DLGAP2: variants seen among roughly 807,000 people sequenced by gnomAD.
DLGAP2 encodes disks large-associated protein 2.
DLGAP2 carries 26 observed loss-of-function variants against 100.3 expected under a neutral mutation model. The observed-to-expected ratio is 0.26, with a 90% CI of 0.19 to 0.36. The LOEUF is 0.36. DLGAP2 is among the 10% of genes least tolerant of loss of function. DLGAP2 has a pLI of 1.00. For synonymous variants in DLGAP2, 886 were observed against 630.1 expected, an observed-to-expected ratio of 1.41 and a Z score of -6.08; for missense variants, 1,858 against 1,453.2, an observed-to-expected ratio of 1.28 and a Z score of -4.53.
At chr8:1,183,819 C>G (rs929880569) in intron 2 of DLGAP2, among the ~76,000 whole-genome samples, 1 of 152,206 alleles carries the variant, frequency 6.6e-6, no homozygotes, top group African/African-American at 2.4e-5. Context: ...CTTTGCAAGC[C>G]TTCAGGCAGA....
At chr8:1,284,890 T>G (rs1247246952) in intron 3 of DLGAP2, among the ~76,000 whole-genome samples, 2 of 152,182 alleles carry the variant, frequency 1.3e-5, no homozygotes, top group Non-Finnish European at 2.9e-5. Flanking sequence ...GAGCTTCTTT[T>G]CTCCTCATTC....
chr8:1,051,048 C>T (rs1802669586), intron 2 of DLGAP2, among the ~76,000 whole-genome samples: 1 of 115,386 alleles, frequency 8.7e-6, no homozygotes, highest in Non-Finnish European at 1.7e-5. Flanking sequence ...TGTGGTGGGT[C>T]ATTTCGTGGG....
chr8:1,094,859 T>C (rs964887928), intron 2 of DLGAP2, among the ~76,000 whole-genome samples: 1 of 152,260 alleles, frequency 6.6e-6, no homozygotes, highest in African/African-American at 2.4e-5. Flanking sequence ...GCAAACGTCC[T>C]GACCCCTTGG....
At chr8:832,337 A>G (rs895076212) in intron 1 of DLGAP2, among the ~76,000 whole-genome samples, 16 of 152,154 alleles carry the variant, frequency 1.1e-4, no homozygotes, top group Non-Finnish European at 2.2e-4. Context: ...TAGGGTTTTT[A>G]TGGTTTTAGG....
chr8:1,181,810 A>T (rs1797394648), intron 2 of DLGAP2, among the ~76,000 whole-genome samples: 1 of 152,144 alleles, frequency 6.6e-6, no homozygotes, highest in African/African-American at 2.4e-5. Context: ...GGAGGCACCC[A>T]CGCAGAAGGC....
chr8:1,413,039 T>G (rs1563131143), intron 3 of DLGAP2, among the ~76,000 whole-genome samples: 1 of 152,154 alleles, frequency 6.6e-6, no homozygotes, highest in Non-Finnish European at 1.5e-5. Flanking sequence ...TGTCCCCTCC[T>G]CTGTGAAGAG....
intron 2 of DLGAP2, among the ~76,000 whole-genome samples, chr8:918,501 G>GGCTGTGTCTGTGCCAC (rs1447317959): frequency 5.9e-5 from 9 of 152,262 alleles, no homozygotes; most frequent in Middle Eastern, 6.8e-3. Flanking sequence ...AGACAGGCAC[G>GGCTGTGTCTGTGCCAC]GCTGTGTCTG....
intron 1 of DLGAP2, among the ~76,000 whole-genome samples, chr8:767,357 T>TG (rs1480241260): frequency 2.0e-5 from 3 of 150,106 alleles, no homozygotes; most frequent in Non-Finnish European, 4.5e-5. Context: ...TGTTTTTTTT[T>TG]TTTTTTTTTT....
chr8:927,854 T>C (rs150430489), intron 2 of DLGAP2, among the ~76,000 whole-genome samples: 15 of 152,234 alleles, frequency 9.9e-5, no homozygotes, highest in Non-Finnish European at 2.1e-4. Context: ...GAGAGCTAAA[T>C]TGCAAAAAAC....
intron 2 of DLGAP2, among the ~76,000 whole-genome samples, chr8:1,036,506 C>T (rs1012951887): frequency 6.6e-6 from 1 of 152,188 alleles, no homozygotes; most frequent in Non-Finnish European, 1.5e-5. Context: ...GGGAGGTTCT[C>T]TGCTTTGTGG....
At chr8:1,208,711 T>C (rs1183388367) in intron 2 of DLGAP2, among the ~76,000 whole-genome samples, 1 of 152,088 alleles carries the variant, frequency 6.6e-6, no homozygotes, top group African/African-American at 2.4e-5. Context: ...GATGATATGA[T>C]TTTATACTTA....
intron 2 of DLGAP2, among the ~76,000 whole-genome samples, chr8:1,079,295 A>G (rs1803722930): frequency 6.6e-6 from 1 of 152,094 alleles, no homozygotes; most frequent in Non-Finnish European, 1.5e-5. Context: ...TTGAATATCC[A>G]CCTTTTATAA....
chr8:1,557,579 G>T (rs1270833668), intron 5 of DLGAP2, among the ~76,000 whole-genome samples: 1 of 152,132 alleles, frequency 6.6e-6, no homozygotes, highest in Non-Finnish European at 1.5e-5. Context: ...GCCAGCCTGG[G>T]TGGTGCGTGA....
chr8:1,178,455 C>G (rs948843605), intron 2 of DLGAP2, among the ~76,000 whole-genome samples: 3 of 152,166 alleles, frequency 2.0e-5, no homozygotes, highest in Non-Finnish European at 4.4e-5. Context: ...TGTCCTGCTT[C>G]TGCTATAATA....
At chr8:944,846 A>G (rs1316993792) in intron 2 of DLGAP2, among the ~76,000 whole-genome samples, 2 of 151,866 alleles carry the variant, frequency 1.3e-5, no homozygotes, top group Non-Finnish European at 2.9e-5. Context: ...CGGGTGATCC[A>G]GTGGTTGGTA....
At chr8:1,503,730 A>C (rs902827154) in intron 4 of DLGAP2, among the ~76,000 whole-genome samples, 4 of 152,114 alleles carry the variant, frequency 2.6e-5, no homozygotes, top group African/African-American at 9.7e-5. Flanking sequence ...AGCTGCCTCT[A>C]CAGTCTTGCC....
chr8:927,317 C>T (rs1176973673), intron 2 of DLGAP2: 1 of 822,112 alleles, frequency 1.2e-6, no homozygotes, highest in Non-Finnish European at 1.5e-6. Flanking sequence ...CTTACTTGAA[C>T]ATGTTGATTC....
intron 1 of DLGAP2, among the ~76,000 whole-genome samples, chr8:806,445 G>T (rs1276920837): frequency 6.6e-6 from 1 of 152,194 alleles, no homozygotes; most frequent in African/African-American, 2.4e-5. Context: ...GATCCAATGC[G>T]CACCTGGAGA....
chr8:773,217 C>T (rs183726994), intron 1 of DLGAP2, among the ~76,000 whole-genome samples: 1 of 152,230 alleles, frequency 6.6e-6, no homozygotes, highest in Non-Finnish European at 1.5e-5. Flanking sequence ...GGTGGGCAGA[C>T]AGCTGATTTC....
Sources: gnomAD v4.1 joint callset for allele counts (sites outside exome capture counted in the v4.1 genomes callset) on GRCh38, gnomAD v4.1.1 for gene constraint, MANE v1.5 for transcripts, NCBI Gene and HGNC (gene_info 2026-07-23, HGNC 2026-07-21) for gene names.